The following PPARGC1A variants were observed in gnomAD, a reference collection of about 807,000 sequenced individuals.
PPARGC1A encodes the protein peroxisome proliferator-activated receptor gamma coactivator 1-alpha.
Under a neutral mutation model 88.7 loss-of-function variants are expected in PPARGC1A, and 25 were observed. The ratio of observed to expected loss-of-function variants is 0.28; its 90% confidence interval spans 0.21 to 0.39. PPARGC1A has a LOEUF of 0.39. Ranked by LOEUF, PPARGC1A falls within the 10% of genes least tolerant of loss-of-function variation. PPARGC1A has a pLI of 1.00. For missense variants in PPARGC1A, 880 were observed against 968.7 expected, an observed-to-expected ratio of 0.91 and a Z score of 1.22; for synonymous variants, 363 against 355.6, an observed-to-expected ratio of 1.02 and a Z score of -0.24.
chr4:23,923,633 C>T, the PPARGC1A span, among the ~76,000 whole-genome samples: 691 of 152,166 alleles, frequency 4.5e-3, 8 homozygotes, highest in African/African-American at 0.015. Flanking sequence ...TGTCAGAATA[C>T]AAAGGAAGGG....
chr4:23,831,873 C>A, intron 2 of PPARGC1A, 122 bp from the exon 3 acceptor site: 7 of 745,294 alleles, frequency 9.4e-6, no homozygotes, highest in South Asian at 3.7e-5. Flanking sequence ...CATTCCAGAA[C>A]ACAAAGATCA....
At chr4:24,215,514 C>T in the PPARGC1A span, among the ~76,000 whole-genome samples, 2 of 152,140 alleles carry the variant, frequency 1.3e-5, no homozygotes, top group South Asian at 2.1e-4. Context: ...CTTAATCACA[C>T]TGTGCTTGAG....
At chr4:24,438,412 G>A in the PPARGC1A span, among the ~76,000 whole-genome samples, 5 of 152,122 alleles carry the variant, frequency 3.3e-5, no homozygotes, top group Admixed American at 1.3e-4. Flanking sequence ...CATACCACTG[G>A]CTGAAAACAA....
chr4:24,116,042 C>T, the PPARGC1A span, among the ~76,000 whole-genome samples: 2 of 152,194 alleles, frequency 1.3e-5, no homozygotes, highest in East Asian at 1.9e-4. Context: ...GAGAAAAGAC[C>T]TTATGCAGCC....
chr4:23,828,524 G>C lies in PPARGC1A; in HGVS notation c.633C>G (p.Leu211=). 1 of 1,614,116 alleles carries C rather than the reference G, an allele frequency of 6.2e-7. No homozygotes were observed. Among genetic ancestry groups the C allele is most frequent in the Non-Finnish European group, 8.5e-7 (1 of 1,179,990 alleles). The change falls in exon 5 of 13, where the codon CTC becomes CTG. Residue 211 remains leucine (L), a synonymous_variant. Transcript: ENST00000264867. ...KPQRRPCSEL[L]KYLTTNDDPP... is the part of the protein sequence containing the mutation. The stretch of plus-strand genomic sequence containing the variant: ...GGTCATCGTTTGTGGTCAGATATTT[G>C]AGAAGCTCCGAGCAGGGACGTCTTT...
At chr4:23,935,609 C>G in the PPARGC1A span, among the ~76,000 whole-genome samples, 106 of 152,244 alleles carry the variant, frequency 7.0e-4, no homozygotes, top group East Asian at 1.5e-3. Flanking sequence ...GAATTATTTC[C>G]TTAATCCAGG....
chr4:24,193,421 C>T, the PPARGC1A span, among the ~76,000 whole-genome samples: 1 of 152,144 alleles, frequency 6.6e-6, no homozygotes, highest in Non-Finnish European at 1.5e-5. Context: ...AACATCTCAC[C>T]TCTCCCCAGC....
rs1430183843 is a variant in PPARGC1A, at chr4:23,792,600, T to C, written c.*3222A>G. 6.6e-6 allele frequency: 1 copy of C among 152,090 alleles called. No individual in the cohort carries two copies. Among genetic ancestry groups the C allele is most frequent in the African/African-American group, 2.4e-5 (1 of 41,334 alleles). The allele number at this position is 152,090 out of a possible 1,614,324, so 9.4% of individuals were successfully genotyped here. On this transcript the variant is annotated 3_prime_UTR_variant, in exon 13 of 13. Transcript: ENST00000264867. ...GCACTGGAAGAATTATTCTGCTACA[T>C]CTCTTTTAAAAAAGAAAAAAATCCA...
the PPARGC1A span, among the ~76,000 whole-genome samples, chr4:24,378,543 G>A: frequency 1.3e-5 from 2 of 151,954 alleles, no homozygotes; most frequent in East Asian, 1.9e-4. Flanking sequence ...TCACCGTAAC[G>A]GATAACACTA....
At chr4:23,980,096 T>C in the PPARGC1A span, among the ~76,000 whole-genome samples, 5 of 151,038 alleles carry the variant, frequency 3.3e-5, no homozygotes, top group Admixed American at 3.3e-4. Context: ...TTTCCTCTGA[T>C]TCAGTAGCTA....
chr4:24,431,408 C>A, the PPARGC1A span, among the ~76,000 whole-genome samples: 11 of 152,084 alleles, frequency 7.2e-5, no homozygotes, highest in African/African-American at 2.4e-4. Context: ...CAGTAAATGA[C>A]TGGATAGAAG....
the PPARGC1A span, among the ~76,000 whole-genome samples, chr4:24,259,190 G>T: frequency 6.6e-5 from 10 of 152,260 alleles, no homozygotes; most frequent in South Asian, 2.1e-3. Context: ...CTAAAAGATG[G>T]GTCTCCTTAA....
At chr4:24,156,248 T>C in the PPARGC1A span, among the ~76,000 whole-genome samples, 9 of 152,186 alleles carry the variant, frequency 5.9e-5, no homozygotes, top group Non-Finnish European at 1.0e-4. Context: ...AAGTTCTATT[T>C]AACCTTAGTG....
chr4:24,275,294 C>G, the PPARGC1A span, among the ~76,000 whole-genome samples: 2 of 152,326 alleles, frequency 1.3e-5, no homozygotes, highest in East Asian at 3.9e-4. Flanking sequence ...ACATCAACTT[C>G]CATCTACTTC....
At chr4:23,924,767 C>T in the PPARGC1A span, among the ~76,000 whole-genome samples, 1 of 152,166 alleles carries the variant, frequency 6.6e-6, no homozygotes. Flanking sequence ...AATTCCTCCC[C>T]TCACCTGCAT....
the PPARGC1A span, among the ~76,000 whole-genome samples, chr4:24,167,727 A>G: frequency 6.6e-6 from 1 of 152,126 alleles, no homozygotes; most frequent in East Asian, 1.9e-4. Context: ...TAGCATTTTT[A>G]GCAAGAAAGA....
the PPARGC1A span, among the ~76,000 whole-genome samples, chr4:24,424,697 G>A: frequency 7.2e-5 from 11 of 152,136 alleles, no homozygotes; most frequent in African/African-American, 2.7e-4. Context: ...AGTCCCAAGC[G>A]AGATGCACTA....
At chr4:24,083,746 C>T in the PPARGC1A span, among the ~76,000 whole-genome samples, 1 of 152,192 alleles carries the variant, frequency 6.6e-6, no homozygotes, top group Non-Finnish European at 1.5e-5. Context: ...CCACATGCTT[C>T]TTCTGCTACT....
chr4:23,846,198 G>A (rs529303945), intron 2 of PPARGC1A, among the ~76,000 whole-genome samples: 4 of 152,300 alleles, frequency 2.6e-5, no homozygotes, highest in African/African-American at 9.6e-5. Flanking sequence ...TTAATGCCTT[G>A]CCACATTGTG....
Sources: gnomAD v4.1 joint callset for allele counts (sites outside exome capture counted in the v4.1 genomes callset) on GRCh38, gnomAD v4.1.1 for gene constraint, MANE v1.5 for transcripts, NCBI Gene and HGNC (gene_info 2026-07-23, HGNC 2026-07-21) for gene names.